WWP1: variants seen among roughly 807,000 people sequenced by gnomAD.
WWP1 encodes NEDD4-like E3 ubiquitin-protein ligase WWP1.
Under a neutral mutation model 130.6 loss-of-function variants are expected in WWP1, and 49 were observed. The observed-to-expected ratio is 0.38, with a 90% CI of 0.30 to 0.48. WWP1 has a LOEUF of 0.48. Among genes scored for constraint, WWP1 ranks in the 20% least tolerant of loss-of-function variants. The pLI is 0.99. For synonymous variants in WWP1, 332 were observed against 367.8 expected, an observed-to-expected ratio of 0.90 and a Z score of 1.11; for missense variants, 809 against 1,100.6, an observed-to-expected ratio of 0.74 and a Z score of 3.75.
chr8:86,429,514 A>G (rs920057006), intron 11 of WWP1, among the ~76,000 whole-genome samples: 6 of 152,316 alleles, frequency 3.9e-5, no homozygotes, highest in Non-Finnish European at 7.4e-5. Context: ...TTCTTGATAG[A>G]ATACTTATAT....
chr8:86,462,130 CATGGTGGGGCACAAATGACAAACAG>C (rs1255005908), intron 24 of WWP1, among the ~76,000 whole-genome samples: 1 of 152,022 alleles, frequency 6.6e-6, no homozygotes, highest in Non-Finnish European at 1.5e-5. Flanking sequence ...GTTTGTGCCC[CATGGTGGGGCACAAATGACAAACAG>C]ATAAACAAAT....
intron 5 of WWP1, among the ~76,000 whole-genome samples, chr8:86,392,642 A>G (rs1156496412): frequency 6.6e-6 from 1 of 152,228 alleles, no homozygotes; most frequent in Non-Finnish European, 1.5e-5. Context: ...TGGACAGAGC[A>G]TAGTCAAATT....
chr8:86,354,679 G>A (rs1372008013), intron 1 of WWP1, among the ~76,000 whole-genome samples: 1 of 152,142 alleles, frequency 6.6e-6, no homozygotes, highest in Non-Finnish European at 1.5e-5. Flanking sequence ...TGGCAGTACT[G>A]TATTCCTTTC....
intron 11 of WWP1, among the ~76,000 whole-genome samples, chr8:86,430,286 A>G (rs994409120): frequency 6.6e-6 from 1 of 152,034 alleles, no homozygotes; most frequent in Non-Finnish European, 1.5e-5. Context: ...AATAATATAG[A>G]TATATTTTTG....
At chr8:86,452,498 T>C in intron 20 of WWP1, 61 bp from the exon 21 acceptor site, 1 of 1,435,882 alleles carries the variant, frequency 7.0e-7, no homozygotes, top group Non-Finnish European at 9.5e-7. Context: ...GTTCTTGGTG[T>C]TTTTAAGTAT....
At chr8:86,445,976 C>CTTTTCTTTTCT (rs1216312552) in intron 18 of WWP1, among the ~76,000 whole-genome samples, 16 of 84,964 alleles carry the variant, frequency 1.9e-4, no homozygotes, top group Non-Finnish European at 2.5e-4. Context: ...CTTTTCTTTT[C>CTTTTCTTTTCT]TTTTTTTTTT....
chr8:86,397,988 G>A (rs937175247), intron 5 of WWP1, among the ~76,000 whole-genome samples: 2 of 152,128 alleles, frequency 1.3e-5, no homozygotes, highest in South Asian at 4.2e-4. Context: ...AGCAGAACTG[G>A]AATTTGAAAC....
At chr8:86,362,075 CAT>C (rs1823668551) in intron 1 of WWP1, among the ~76,000 whole-genome samples, 1 of 137,682 alleles carries the variant, frequency 7.3e-6, no homozygotes, top group Admixed American at 7.3e-5. Context: ...TATATATACA[CAT>C]ATATACACAC....
At chr8:86,417,368 C>T (rs1808945704) in intron 9 of WWP1, 2 of 152,168 alleles carry the variant, frequency 1.3e-5, no homozygotes, top group African/African-American at 4.8e-5. Flanking sequence ...AATTTGCCTA[C>T]TCCTTATCTA....
At chr8:86,449,021 G>T (rs10107612) in intron 20 of WWP1, among the ~76,000 whole-genome samples, 29,819 of 141,026 alleles carry the variant, frequency 0.21, 4,964 homozygotes, top group African/African-American at 0.48. Flanking sequence ...TTTTTTTTTT[G>T]TAAAGATAGG....
In WWP1 at chr8:86,468,278, C is replaced by T; in HGVS notation, c.*1385C>T. ...AGAAAAACAGTAATTATTGTTTTGC[C>T]AAAATTTTATTTTTCTACATATTGA... On this transcript the variant is annotated 3_prime_UTR_variant, in exon 25 of 25. Transcript: ENST00000517970. 1 of 395,944 alleles carries T rather than the reference C, an allele frequency of 2.5e-6. No homozygotes were observed. The highest frequency in any genetic ancestry group is 4.9e-6 in the Non-Finnish European group (1 of 205,952). 24.5% of individuals were successfully genotyped at this position (395,944 alleles called of 1,614,324 possible). A position where few individuals can be genotyped will look rare whatever the true frequency, so the allele number is the denominator to read the frequency against.
intron 5 of WWP1, among the ~76,000 whole-genome samples, chr8:86,392,065 A>C (rs1807379790): frequency 6.6e-6 from 1 of 152,090 alleles, no homozygotes; most frequent in Admixed American, 6.5e-5. Context: ...CTTTAAGGGG[A>C]GTTAGGGTTA....
intron 16 of WWP1, 124 bp downstream of exon 16, chr8:86,435,828 A>G: frequency 1.1e-6 from 1 of 873,752 alleles, no homozygotes; most frequent in Non-Finnish European, 1.7e-6. Context: ...AATGACTGCC[A>G]CCACCACTTG....
chr8:86,439,356 A>AAAAAAAAAG, intron 17 of WWP1, among the ~76,000 whole-genome samples: 1 of 149,566 alleles, frequency 6.7e-6, no homozygotes, highest in African/African-American at 2.4e-5. Context: ...AAAAAAAAAA[A>AAAAAAAAAG]AGTTTTTAAA....
intron 1 of WWP1, among the ~76,000 whole-genome samples, chr8:86,363,952 T>C (rs1238026066): frequency 1.3e-5 from 2 of 152,088 alleles, no homozygotes; most frequent in African/African-American, 4.8e-5. Flanking sequence ...GGTTAGTTAG[T>C]TTTGCTTTGG....
At chr8:86,447,557 C>T (rs1358095928) in intron 18 of WWP1, among the ~76,000 whole-genome samples, 3 of 152,144 alleles carry the variant, frequency 2.0e-5, no homozygotes, top group Admixed American at 6.5e-5. Flanking sequence ...TGAGCCACTG[C>T]GCCCCACCTT....
At chr8:86,427,919 G>A (rs1356357686) in intron 11 of WWP1, 102 bp downstream of exon 11, 2 of 1,208,950 alleles carry the variant, frequency 1.7e-6, no homozygotes, top group Non-Finnish European at 2.2e-6. Flanking sequence ...ATCTATTTTG[G>A]TGATTTTCAG....
intron 21 of WWP1, among the ~76,000 whole-genome samples, chr8:86,457,471 A>C (rs1182571632): frequency 6.6e-6 from 1 of 151,854 alleles, no homozygotes; most frequent in Non-Finnish European, 1.5e-5. Flanking sequence ...ATAAATCTAT[A>C]TATATAGATG....
At chr8:86,441,436 T>G (rs1586470665) in intron 17 of WWP1, among the ~76,000 whole-genome samples, 1 of 152,368 alleles carries the variant, frequency 6.6e-6, no homozygotes, top group East Asian at 1.9e-4. Context: ...AAAACGTTTA[T>G]TAACAGGCTG....
Sources: gnomAD v4.1 joint callset for allele counts (sites outside exome capture counted in the v4.1 genomes callset) on GRCh38, gnomAD v4.1.1 for gene constraint, MANE v1.5 for transcripts, NCBI Gene and HGNC (gene_info 2026-07-23, HGNC 2026-07-21) for gene names.